The following RPS9 variants were observed in gnomAD, a reference collection of about 807,000 sequenced individuals.
RPS9 encodes ribosomal protein S9.
Under a neutral mutation model 16.9 loss-of-function variants are expected in RPS9, and 1 was observed. The observed-to-expected ratio is 0.06, with a 90% CI of 0.02 to 0.28. The LOEUF (loss-of-function observed/expected upper bound fraction) is 0.28. Ranked by LOEUF, RPS9 falls within the 10% of genes least tolerant of loss-of-function variation. RPS9 has a pLI of 1.00. For missense variants in RPS9, 137 were observed against 273.2 expected (o/e 0.50, Z 3.51); for synonymous variants, 106 against 110.9 (o/e 0.96, Z 0.28).
At chr19:54,203,492 T>C in intron 3 of RPS9, 1 of 170,372 alleles carries the variant, frequency 5.9e-6, no homozygotes, top group Non-Finnish European at 1.2e-5. Flanking sequence ...AGGCCAGGCG[T>C]GGTGGCTCAT....
At chr19:54,206,228 A>T in intron 3 of RPS9, 48 bp from the exon 4 acceptor site, 1 of 1,583,826 alleles carries the variant, frequency 6.3e-7, no homozygotes, top group African/African-American at 1.3e-5. Flanking sequence ...GAACCCAAGA[A>T]GCCTGAGGTC....
Position 54,202,359 on chromosome 19 carries a change from A to G in RPS9, c.220+750A>G, listed in dbSNP as rs970892381. On this transcript the variant is annotated intron_variant, in intron 3 of 4. Coordinates refer to ENST00000302907, the MANE Select transcript of RPS9 (RefSeq NM_001013.4). ...GGCCACCAAGCCTGGCTAATTTTCT[A>G]TTATTAGTGGAGATGGGTTTTCACC... 2.4e-5 allele frequency: 21 copies of G among 884,772 alleles called. No individual in the cohort carries two copies. The South Asian group carries it at 7.7e-4, about 33-fold the overall frequency. 54.8% of individuals were successfully genotyped at this position (884,772 alleles called of 1,614,324 possible).
intron 1 of RPS9, 91 bp downstream of exon 1, chr19:54,200,979 G>C: frequency 1.4e-6 from 2 of 1,431,070 alleles, no homozygotes; most frequent in South Asian, 3.0e-5. Flanking sequence ...AAAGACGTTA[G>C]GAAACAGAGC....
At chr19:54,204,269 A>G (rs969328588) in intron 3 of RPS9, among the ~76,000 whole-genome samples, 2 of 152,226 alleles carry the variant, frequency 1.3e-5, no homozygotes, top group African/African-American at 4.8e-5. Context: ...CTTTAATCCC[A>G]GGCTGAGGCA....
intron 3 of RPS9, 144 bp from the exon 4 acceptor site, chr19:54,206,132 C>CA: frequency 1.3e-6 from 1 of 774,080 alleles, no homozygotes; most frequent in Non-Finnish European, 2.0e-6. Flanking sequence ...GTGGTTTTGA[C>CA]AGTGACATGG....
intron 3 of RPS9, among the ~76,000 whole-genome samples, chr19:54,203,947 G>A (rs2077152367): frequency 1.3e-5 from 2 of 152,180 alleles, no homozygotes; most frequent in Non-Finnish European, 2.9e-5. Flanking sequence ...TTGGTGCATT[G>A]GCCCAGTGGA....
chr19:54,201,648 G>T, intron 3 of RPS9, 39 bp downstream of exon 3: 3 of 1,610,592 alleles, frequency 1.9e-6, no homozygotes, highest in Non-Finnish European at 2.5e-6. Flanking sequence ...TGGGGTGCAG[G>T]GCTTGTGAGG....
At chr19:54,206,141 G>A (rs902624237) in intron 3 of RPS9, 135 bp from the exon 4 acceptor site, 1 of 817,120 alleles carries the variant, frequency 1.2e-6, no homozygotes, top group African/African-American at 1.7e-5. Flanking sequence ...ACAGTGACAT[G>A]GGTCACGGTG....
At chr19:54,202,827 A>C (rs1321364183) in intron 3 of RPS9, 1 of 985,284 alleles carries the variant, frequency 1.0e-6, no homozygotes, top group Non-Finnish European at 1.2e-6. Context: ...GTTTAGCTAC[A>C]GATTATCACA....
intron 3 of RPS9, chr19:54,202,518 C>G: frequency 1.0e-6 from 1 of 978,548 alleles, no homozygotes; most frequent in Non-Finnish European, 1.2e-6. Context: ...TTTAGGAGGG[C>G]ATGCAGATCA....
chr19:54,202,303 A>T, intron 3 of RPS9: 1 of 402,726 alleles, frequency 2.5e-6, no homozygotes, highest in Non-Finnish European at 3.4e-6. Context: ...CTCCTGTCTT[A>T]GCCTCCTAAG....
At chr19:54,205,596 T>C (rs1453094908) in intron 3 of RPS9, among the ~76,000 whole-genome samples, 1 of 152,130 alleles carries the variant, frequency 6.6e-6, no homozygotes, top group African/African-American at 2.4e-5. Context: ...GGATATGAAC[T>C]CTTCAGCACT....
chr19:54,205,509 A>G (rs12982851), intron 3 of RPS9, among the ~76,000 whole-genome samples: 46,358 of 151,778 alleles, frequency 0.31, 8,326 homozygotes, highest in East Asian at 0.43. Context: ...TCCTTAAAAG[A>G]TGTAGATACT....
chr19:54,203,068 T>C (rs1291087056), intron 3 of RPS9: 2 of 985,096 alleles, frequency 2.0e-6, no homozygotes, highest in African/African-American at 3.5e-5. Context: ...CCCTCCCCCA[T>C]AGATACTGAT....
At chr19:54,201,811 G>A in intron 3 of RPS9, 1 of 1,204,406 alleles carries the variant, frequency 8.3e-7, no homozygotes, top group Non-Finnish European at 1.1e-6. Context: ...TGGCTTTTTT[G>A]CCCAGTTATT....
intron 3 of RPS9, among the ~76,000 whole-genome samples, chr19:54,204,585 G>C (rs897690271): frequency 2.6e-5 from 4 of 151,950 alleles, no homozygotes; most frequent in Admixed American, 1.3e-4. Flanking sequence ...TTACTTTTTT[G>C]TTTGTTTTGG....
intron 4 of RPS9, 101 bp from the exon 5 acceptor site, chr19:54,207,297 G>A (rs780238632): frequency 1.6e-4 from 159 of 1,005,810 alleles, no homozygotes; most frequent in Non-Finnish European, 2.1e-4. Context: ...GTCTGCAGCC[G>A]TGGCGGCCTC....
chr19:54,202,813 G>A lies in RPS9; in HGVS notation c.220+1204G>A, dbSNP rs191438475. 576 of 985,398 alleles carry A rather than the reference G, an allele frequency of 5.8e-4. 1 individual carries two copies. Among genetic ancestry groups the A allele is most frequent in the Admixed American group, 1.2e-3 (20 of 16,276 alleles). The allele number at this position is 985,398 out of a possible 1,614,324, so 61.0% of individuals were successfully genotyped here. A position where few individuals can be genotyped will look rare whatever the true frequency, so the allele number is the denominator to read the frequency against. On this transcript the variant is annotated intron_variant, in intron 3 of 4. Coordinates refer to ENST00000302907, the MANE Select transcript of RPS9 (RefSeq NM_001013.4). ...TGTTAGGCGTTGAGAAAGTCCTGGC[G>A]CATGTTTAGCTACAGATTATCACAG...
At chr19:54,200,984 CAG>C (rs1392749493) in intron 1 of RPS9, 96 bp downstream of exon 1, 7 of 1,430,726 alleles carry the variant, frequency 4.9e-6, no homozygotes, top group East Asian at 2.5e-5. Context: ...CGTTAGGAAA[CAG>C]AGCAGGGTGG....
Sources: allele counts gnomAD v4.1 joint callset (sites outside exome capture counted in the v4.1 genomes callset), GRCh38; gene constraint gnomAD v4.1.1; transcripts MANE v1.5; gene names NCBI Gene and HGNC (gene_info 2026-07-23, HGNC 2026-07-21).